ATRNL1: variants seen among roughly 807,000 people sequenced by gnomAD.
ATRNL1 encodes attractin like 1.
A neutral mutation model predicts 182.7 loss-of-function variants in ATRNL1; 95 were observed. The observed-to-expected ratio is 0.52, with a 90% CI of 0.44 to 0.62. The LOEUF (loss-of-function observed/expected upper bound fraction) is 0.62. Ranked by LOEUF, ATRNL1 falls within the 20% of genes least tolerant of loss-of-function variation. The probability of loss-of-function intolerance (pLI) is 0.00; values close to 1 mark genes in which losing one functional copy is unlikely to be tolerated. For missense variants in ATRNL1, 1,471 were observed against 1,679.5 expected (o/e 0.88, Z 2.17); for synonymous variants, 576 against 568.3 (o/e 1.01, Z -0.19).
intron 21 of ATRNL1, among the ~76,000 whole-genome samples, chr10:115,454,834 A>G (rs186037014): frequency 6.6e-6 from 1 of 152,092 alleles, no homozygotes; most frequent in Admixed American, 6.6e-5. Context: ...TTTTATCTAC[A>G]TAATATATCA....
chr10:115,537,070 C>G (rs1010253795), intron 25 of ATRNL1, among the ~76,000 whole-genome samples: 4 of 152,184 alleles, frequency 2.6e-5, no homozygotes, highest in Admixed American at 2.6e-4. Context: ...TCTTACTGTA[C>G]TGGAAGTTCA....
intron 3 of ATRNL1, among the ~76,000 whole-genome samples, chr10:115,125,685 G>A (rs1554873257): frequency 6.6e-6 from 1 of 152,184 alleles, no homozygotes; most frequent in Non-Finnish European, 1.5e-5. Context: ...CAGCTGCAGT[G>A]CAGTCCTTTG....
At chr10:115,386,895 A>G (rs1858389451) in intron 19 of ATRNL1, among the ~76,000 whole-genome samples, 1 of 137,822 alleles carries the variant, frequency 7.3e-6, no homozygotes, top group African/African-American at 2.7e-5. Context: ...ATTCCCACCT[A>G]TGAGTGAGAA....
chr10:115,443,908 C>T (rs1458164016), intron 21 of ATRNL1, among the ~76,000 whole-genome samples: 1 of 151,958 alleles, frequency 6.6e-6, no homozygotes, highest in East Asian at 1.9e-4. Context: ...TTTATTATTC[C>T]TTCCTATTTG....
At chr10:115,419,197 A>G (rs1845542192) in intron 20 of ATRNL1, among the ~76,000 whole-genome samples, 1 of 152,194 alleles carries the variant, frequency 6.6e-6, no homozygotes, top group Non-Finnish European at 1.5e-5. Flanking sequence ...GATCAAAATT[A>G]AGTTTTTATT....
chr10:115,692,340 A>C (rs1237490389), intron 26 of ATRNL1, among the ~76,000 whole-genome samples: 1 of 152,152 alleles, frequency 6.6e-6, no homozygotes, highest in Non-Finnish European at 1.5e-5. Flanking sequence ...GAGTTCAGGA[A>C]TAATGATTAG....
At chr10:115,872,841 C>A (rs370063476) in intron 28 of ATRNL1, among the ~76,000 whole-genome samples, 3 of 152,298 alleles carry the variant, frequency 2.0e-5, no homozygotes, top group South Asian at 2.1e-4. Context: ...TAATGAGGAA[C>A]CCATCAGGAA....
At chr10:115,617,520 C>T (rs369521117) in intron 26 of ATRNL1, among the ~76,000 whole-genome samples, 2 of 152,090 alleles carry the variant, frequency 1.3e-5, no homozygotes, top group Non-Finnish European at 2.9e-5. Context: ...CCACCACACC[C>T]AGCTAATTTT....
chr10:115,254,069 T>G (rs1379447621), intron 10 of ATRNL1, among the ~76,000 whole-genome samples: 1 of 152,250 alleles, frequency 6.6e-6, no homozygotes, highest in Non-Finnish European at 1.5e-5. Flanking sequence ...AAGCCTTTGC[T>G]ATTGTGAATA....
chr10:115,824,165 C>G (rs1197062441), intron 27 of ATRNL1, among the ~76,000 whole-genome samples: 1 of 152,100 alleles, frequency 6.6e-6, no homozygotes, highest in Admixed American at 6.6e-5. Flanking sequence ...CTGACAAAAA[C>G]AAGCAATGGG....
chr10:115,508,465 G>A (rs1029114709), intron 24 of ATRNL1, among the ~76,000 whole-genome samples: 1 of 151,966 alleles, frequency 6.6e-6, no homozygotes, highest in South Asian at 2.1e-4. Flanking sequence ...ATGCCAATAC[G>A]GCCGAAATCT....
chr10:115,106,460 A>G (rs1434793676), intron 1 of ATRNL1, among the ~76,000 whole-genome samples: 1 of 152,084 alleles, frequency 6.6e-6, no homozygotes, highest in African/African-American at 2.4e-5. Flanking sequence ...TTGAAATGTG[A>G]GGACATGAGA....
At chr10:115,616,263 A>G (rs1448883548) in intron 26 of ATRNL1, among the ~76,000 whole-genome samples, 2 of 152,148 alleles carry the variant, frequency 1.3e-5, no homozygotes, top group African/African-American at 4.8e-5. Context: ...GGTGGAAGAA[A>G]TTTCTAAGCA....
chr10:115,841,819 T>G (rs2134340195), intron 27 of ATRNL1, among the ~76,000 whole-genome samples: 1 of 152,232 alleles, frequency 6.6e-6, no homozygotes, highest in Admixed American at 6.5e-5. Context: ...AATCTGTTTT[T>G]GAAATCTGGA....
chr10:115,680,354 G>C (rs2068463), intron 26 of ATRNL1, among the ~76,000 whole-genome samples: 42,735 of 152,012 alleles, frequency 0.28, 7,134 homozygotes, highest in Middle Eastern at 0.38. Flanking sequence ...CACCAAAGCA[G>C]ATGTAGAGAG....
intron 27 of ATRNL1, among the ~76,000 whole-genome samples, chr10:115,778,652 G>A (rs964335531): frequency 3.9e-5 from 6 of 152,200 alleles, no homozygotes; most frequent in African/African-American, 7.2e-5. Flanking sequence ...GGGCCAGACC[G>A]CCTAGGCCTT....
Position 115,488,345 on chromosome 10 carries a change from T to C in ATRNL1, c.3654+19016T>C, listed in dbSNP as rs182568239. 1.6e-3 allele frequency among the ~76,000 whole-genome samples: 238 copies of C among 152,318 alleles called. 1 individual carries two copies. Among genetic ancestry groups the C allele is most frequent in the African/African-American group, 5.4e-3 (226 of 41,566 alleles). ...GGTAGAATTCGGCTGTGAATCCATC[T>C]GGTAGTGGACTTTTTTTGGTTGGTA... On this transcript the variant is annotated intron_variant, in intron 24 of 28. Transcript: ENST00000355044.
At chr10:115,303,463 C>T (rs1055080905) in intron 17 of ATRNL1, among the ~76,000 whole-genome samples, 13 of 152,078 alleles carry the variant, frequency 8.5e-5, no homozygotes, top group African/African-American at 3.1e-4. Flanking sequence ...CCTCATGATC[C>T]ACCCAGCTCG....
intron 8 of ATRNL1, among the ~76,000 whole-genome samples, chr10:115,188,394 A>G (rs146482126): frequency 5.7e-4 from 87 of 152,242 alleles, no homozygotes; most frequent in African/African-American, 2.0e-3. Flanking sequence ...TAGGGAATCT[A>G]CAAATCTCAG....
Sources: allele counts gnomAD v4.1 joint callset (sites outside exome capture counted in the v4.1 genomes callset), GRCh38; gene constraint gnomAD v4.1.1; transcripts MANE v1.5; gene names NCBI Gene and HGNC (gene_info 2026-07-23, HGNC 2026-07-21).